Variants in TNRC18 observed in about 807,000 individuals in gnomAD.
TNRC18 encodes the protein trinucleotide repeat containing 18.
A neutral mutation model predicts 226.7 loss-of-function variants in TNRC18; 69 were observed. The ratio of observed to expected loss-of-function variants is 0.30; its 90% CI spans 0.25 to 0.37. The LOEUF (loss-of-function observed/expected upper bound fraction) is 0.37. Ranked by LOEUF, TNRC18 falls within the 10% of genes least tolerant of loss-of-function variation. TNRC18 has a pLI of 1.00. For synonymous variants in TNRC18, 2,449 were observed against 1,927.6 expected, an observed-to-expected ratio of 1.27 and a Z score of -7.09; for missense variants, 4,754 against 4,256.6, an observed-to-expected ratio of 1.12 and a Z score of -3.25.
chr7:5,312,117 CAGAG>C lies in TNRC18; in HGVS notation c.8388+382_8388+385del, dbSNP rs1379237665. Among the ~76,000 whole-genome samples the C allele has an allele frequency of 6.6e-6, 1 of 152,192 alleles. No homozygotes were observed. Among genetic ancestry groups the C allele is most frequent in the Non-Finnish European group, 1.5e-5 (1 of 68,042 alleles). ...CACCACCACACTCCAGCCTGGGCAACAGAGAGAGACTCAGTCTCAAAAAAAGAAA... is the reference window on the plus strand; with the variant it reads ...CACCACCACACTCCAGCCTGGGCAACAGAGACTCAGTCTCAAAAAAAGAAA... On this transcript the variant is annotated intron_variant, in intron 27 of 29. Coordinates refer to ENST00000430969, the MANE Select transcript of TNRC18 (RefSeq NM_001080495.3). The surrounding 1 kb of genome is among the most constrained non-coding windows in gnomAD (Gnocchi z 6.3).
chr7:5,373,466 A>G (rs1794348253), intron 10 of TNRC18, among the ~76,000 whole-genome samples: 1 of 152,228 alleles, frequency 6.6e-6, no homozygotes, highest in African/African-American at 2.4e-5. Flanking sequence ...CAAAGGAGAG[A>G]CAGGCGCCGG....
chr7:5,314,563 C>CT (rs67183154), intron 26 of TNRC18, among the ~76,000 whole-genome samples: 17,087 of 79,110 alleles, frequency 0.22, 3,679 homozygotes, highest in Non-Finnish European at 0.26. Context: ...GAGTTCTCTT[C>CT]TTTTTTTTTT....
intron 15 of TNRC18, among the ~76,000 whole-genome samples, chr7:5,358,711 G>C (rs999374386): frequency 2.0e-5 from 3 of 152,212 alleles, no homozygotes; most frequent in Non-Finnish European, 4.4e-5. Context: ...CTACTTGGGA[G>C]GCTGAGGCAG....
intron 5 of TNRC18, among the ~76,000 whole-genome samples, chr7:5,380,544 C>T (rs1476671847): frequency 1.3e-5 from 2 of 152,212 alleles, no homozygotes; most frequent in African/African-American, 2.4e-5. Flanking sequence ...ACCGAGTGTA[C>T]GGAGGGACAG....
rs1786933275 is a variant in TNRC18, at chr7:5,309,194, G to A, written c.8563C>T (p.Arg2855Cys). ...TCGGGGTGGTAGAACCACTTGACGCGGACCACCATGTTGTTGCCCCACGAC... is the reference window on the plus strand; with the variant it reads ...TCGGGGTGGTAGAACCACTTGACGCAGACCACCATGTTGTTGCCCCACGAC... ...WESWGNNMVV[R>C]VKWFYHPEET... The change falls in exon 28 of 30, where the codon CGC becomes TGC. Residue 2855 changes from arginine (R) to cysteine (C), a missense_variant. Physicochemically the swap from Arg to Cys is radical, Grantham distance 180 (BLOSUM62 -3). Coordinates refer to ENST00000430969, the MANE Select transcript of TNRC18 (RefSeq NM_001080495.3). The surrounding 1 kb of genome is among the most constrained non-coding windows in gnomAD (Gnocchi z 5.7). The A allele has an allele frequency of 1.9e-6, 3 of 1,613,340 alleles. No individual in the cohort carries two copies. Among genetic ancestry groups the A allele is most frequent in the Non-Finnish European group, 2.5e-6 (3 of 1,179,790 alleles).
intron 5 of TNRC18, among the ~76,000 whole-genome samples, chr7:5,382,928 T>C (rs1263472154): frequency 6.6e-6 from 1 of 152,166 alleles, no homozygotes; most frequent in Non-Finnish European, 1.5e-5. Context: ...GGCAGGATCT[T>C]ACTCTGCCAC....
rs1369910643 is a variant in TNRC18, at chr7:5,387,813, C to T, written c.2011G>A (p.Ala671Thr). ...TGTCGCACTTCTGCCTCACCCTGGG[C>T]ACCAGAGCCCTCGCGCCCGAAAGCT... ...AKAFGREGSG[A>T]QGEAEVRHPP... The change falls in exon 5 of 30, where the codon GCC (alanine) becomes ACC (threonine). Residue 671 changes from alanine to threonine, a missense_variant. Ala to Thr is a moderately conservative substitution (Grantham distance 58). Transcript: ENST00000430969. The T allele has an allele frequency of 1.2e-6, 2 of 1,607,418 alleles. No homozygotes were observed. Among genetic ancestry groups the T allele is most frequent in the Admixed American group, 1.7e-5 (1 of 59,980 alleles).
chr7:5,421,289 G>C lies in TNRC18; in HGVS notation c.-43C>G, dbSNP rs943332137. 5.6e-6 allele frequency: 7 copies of C among 1,253,520 alleles called. No homozygotes were observed. The African/African-American group carries it at 9.4e-5, about 17-fold the overall frequency. The allele number at this position is 1,253,520 out of a possible 1,614,324, so 77.6% of individuals were successfully genotyped here. A position where few individuals can be genotyped will look rare whatever the true frequency, so the allele number is the denominator to read the frequency against. ...CGATCAGCCCCCCACCCGGCCCGCA[G>C]GCCTAGCTCAGTGGGACCTAAAAGT... On this transcript the variant is annotated 5_prime_UTR_variant, in exon 2 of 30. Coordinates refer to ENST00000430969, the MANE Select transcript of TNRC18 (RefSeq NM_001080495.3).
intron 2 of TNRC18, among the ~76,000 whole-genome samples, chr7:5,416,111 C>CAAA (rs35630581): frequency 1.6e-4 from 13 of 83,206 alleles, no homozygotes; most frequent in African/African-American, 6.2e-4. Context: ...GACTCTCTCG[C>CAAA]AAAAAAAAAA....
chr7:5,418,771 G>A (rs1782349230), intron 2 of TNRC18, among the ~76,000 whole-genome samples: 1 of 152,246 alleles, frequency 6.6e-6, no homozygotes, highest in Non-Finnish European at 1.5e-5. Context: ...AGAAAACGCG[G>A]GAGGGGGAGG....
At chr7:5,407,000 C>T (rs1163753154) in intron 2 of TNRC18, 1 of 152,248 alleles carries the variant, frequency 6.6e-6, no homozygotes, top group Non-Finnish European at 1.5e-5. Context: ...GAACCCCTCA[C>T]CTCCCGCTGT....
intron 19 of TNRC18, 97 bp from the exon 20 acceptor site, chr7:5,325,345 C>G (rs1398221491): frequency 3.6e-6 from 5 of 1,394,998 alleles, no homozygotes; most frequent in Non-Finnish European, 4.8e-6. Flanking sequence ...AGTTCTGTGC[C>G]ACCCCAAGTG....
At chr7:5,325,663 A>C (rs1788841879) in intron 19 of TNRC18, 1 of 165,342 alleles carries the variant, frequency 6.0e-6, no homozygotes, top group Admixed American at 6.6e-5. Flanking sequence ...TGACCTTGTG[A>C]TCTGCCCGCC....
At chr7:5,408,741 G>C (rs757420027) in intron 2 of TNRC18, among the ~76,000 whole-genome samples, 1 of 152,184 alleles carries the variant, frequency 6.6e-6, no homozygotes, top group Non-Finnish European at 1.5e-5. Context: ...GAAACACTTA[G>C]GCTTGGAGCA....
rs1027984829 is a variant in TNRC18, at chr7:5,359,513, C to T, written c.4718G>A (p.Arg1573Lys). Residue 1573 changes from arginine (R) to lysine (K), a missense_variant, in exon 15 of 30, where the codon AGA becomes AAA. Physicochemically the swap from Arg to Lys is conservative, Grantham distance 26. Transcript: ENST00000430969. ...CTCCTCAGACCCCTTGTGTCTCTTT[C>T]TTATCCCTGCTCCCAGCTCATAATC... ...SDDYELGAGI[R>K]KRHKGSEEEH... 39 of 1,613,920 alleles carry T rather than the reference C, an allele frequency of 2.4e-5. No homozygotes were observed. Among genetic ancestry groups the T allele is most frequent in the Non-Finnish European group, 3.3e-5 (39 of 1,179,902 alleles).
rs183183335 is a variant in TNRC18, at chr7:5,313,229, G to C, written c.7662C>G (p.Ala2554=). 3.3e-3 allele frequency: 5,097 copies of C among 1,548,886 alleles called. 141 individuals are homozygous for C. In the African/African-American group the frequency reaches 0.063, roughly 19 times the overall value. Residue 2554 remains alanine, a synonymous_variant, in exon 27 of 30, where the codon GCC becomes GCG. Coordinates refer to ENST00000430969, the MANE Select transcript of TNRC18 (RefSeq NM_001080495.3). The part of the protein sequence containing the change: ...PDKAQAEQDG[A]EESESSSSSS... ...TGCTGCTGCTGCTCTCGGACTCTTC[G>C]GCCCCGTCCTGCTCAGCCTGGGCCT...
At position 5,313,352 on chromosome 7, in the gene TNRC18, G is replaced by A. The variant is rs780165455; in HGVS notation, c.7539C>T (p.Pro2513=). ...CGGTGGCCTTGGGCCAGGGTGCCTTGGGCTCGCTGCTGCCGGCCGCGGGGG... is the reference window on the plus strand; with the variant it reads ...CGGTGGCCTTGGGCCAGGGTGCCTTAGGCTCGCTGCTGCCGGCCGCGGGGG... ...SYPPAAGSSE[P]KAPWPKATDG... Residue 2513 remains proline, a synonymous_variant, in exon 27 of 30, where the codon CCC becomes CCT. Transcript: ENST00000430969. 11 of 1,562,542 alleles carry A rather than the reference G, an allele frequency of 7.0e-6. No individual in the cohort carries two copies. The highest frequency in any genetic ancestry group is 2.3e-5 in the South Asian group (2 of 85,356).
chr7:5,350,390 G>A (rs1259407749), intron 17 of TNRC18, among the ~76,000 whole-genome samples: 1 of 150,206 alleles, frequency 6.7e-6, no homozygotes, highest in African/African-American at 2.4e-5. Context: ...TGGGAGGGGA[G>A]GCGGTAGACC....
chr7:5,417,959 G>T (rs566971515), intron 2 of TNRC18, among the ~76,000 whole-genome samples: 16 of 152,274 alleles, frequency 1.1e-4, no homozygotes, highest in Admixed American at 2.0e-4. Flanking sequence ...CAGAGTGCTA[G>T]CCAAGCCAAG....
Sources: gnomAD v4.1 joint callset for allele counts (sites outside exome capture counted in the v4.1 genomes callset) on GRCh38, gnomAD v4.1.1 for gene constraint, Gnocchi (gnomAD v3.1) non-coding constraint, MANE v1.5 for transcripts, NCBI Gene and HGNC (gene_info 2026-07-23, HGNC 2026-07-21) for gene names.